Variants in ELF5 observed in about 807,000 individuals in gnomAD.
ELF5 encodes E74 like ETS transcription factor 5.
In ELF5, 31 loss-of-function variants were observed where a neutral mutation model predicts 38.2. The observed-to-expected ratio is 0.81, with a 90% confidence interval of 0.61 to 1.10. The LOEUF (loss-of-function observed/expected upper bound fraction) is 1.10, where lower values mean the gene tolerates loss of function less well. Among genes scored for constraint, ELF5 ranks in the 50% least tolerant of loss-of-function variants. ELF5 has a pLI of 0.00. For synonymous variants in ELF5, 121 were observed against 112.5 expected (o/e 1.08, Z -0.48); for missense variants, 300 against 306.6 (o/e 0.98, Z 0.16).
At chr11:34,508,226 G>T (rs1023086365) in intron 1 of ELF5, among the ~76,000 whole-genome samples, 9 of 152,120 alleles carry the variant, frequency 5.9e-5, no homozygotes, top group African/African-American at 2.2e-4. Flanking sequence ...TTACTGCTGG[G>T]CGCAGTGGTT....
chr11:34,486,551 T>G (rs993372100), intron 4 of ELF5, among the ~76,000 whole-genome samples: 1 of 152,176 alleles, frequency 6.6e-6, no homozygotes, highest in Non-Finnish European at 1.5e-5. Flanking sequence ...CATGGGAACA[T>G]GTGTGCCTAT....
chr11:34,511,451 G>T (rs921009591), intron 1 of ELF5: 43 of 1,539,516 alleles, frequency 2.8e-5, no homozygotes, highest in Admixed American at 1.7e-4. Context: ...CATTCTAGCT[G>T]CCTAGTAAGT....
intron 1 of ELF5, among the ~76,000 whole-genome samples, chr11:34,507,095 T>C (rs959800290): frequency 2.0e-5 from 3 of 152,254 alleles, no homozygotes; most frequent in African/African-American, 7.2e-5. Flanking sequence ...ATTCTTATGA[T>C]GCAGTGCAGA....
At chr11:34,509,290 T>C (rs1032349236) in intron 1 of ELF5, among the ~76,000 whole-genome samples, 1 of 152,114 alleles carries the variant, frequency 6.6e-6, no homozygotes, top group Non-Finnish European at 1.5e-5. Flanking sequence ...ATCGTGCCAC[T>C]GCACTCCAGC....
At chr11:34,491,484 G>GGTAATGTAT (rs1208629596) in intron 3 of ELF5, 5 of 151,902 alleles carry the variant, frequency 3.3e-5, no homozygotes, top group Admixed American at 1.3e-4. Context: ...AATAAGAAGA[G>GGTAATGTAT]GTAATGTATG....
intron 1 of ELF5, among the ~76,000 whole-genome samples, chr11:34,510,441 A>G (rs1280981832): frequency 1.3e-5 from 2 of 152,046 alleles, no homozygotes; most frequent in Non-Finnish European, 2.9e-5. Context: ...CTTTGTATTC[A>G]GTAGCCTCTC....
intron 1 of ELF5, among the ~76,000 whole-genome samples, chr11:34,513,475 A>ACGGCCTG (rs770666738): frequency 7.9e-5 from 12 of 152,370 alleles, no homozygotes; most frequent in Admixed American, 2.0e-4. Context: ...TGGTGGCCAC[A>ACGGCCTG]CGGCCTGCGG....
intron 2 of ELF5, among the ~76,000 whole-genome samples, chr11:34,498,381 C>T (rs1850368067): frequency 1.3e-5 from 2 of 152,054 alleles, no homozygotes; most frequent in Admixed American, 6.5e-5. Context: ...AAGCCAGCTG[C>T]TTTGTCCCTT....
chr11:34,513,214 C>A (rs984339272), intron 1 of ELF5, among the ~76,000 whole-genome samples: 2 of 151,764 alleles, frequency 1.3e-5, no homozygotes, highest in African/African-American at 4.9e-5. Flanking sequence ...ATGCCCCAAA[C>A]TATAATAAGG....
chr11:34,493,519 G>T lies in ELF5; in HGVS notation c.315C>A (p.Gly105=). 3 of 1,614,102 alleles carry T rather than the reference G, an allele frequency of 1.9e-6. No homozygotes were observed. The change falls in exon 3 of 7, where the codon GGC becomes GGA. Residue 105 remains glycine (G), a synonymous_variant. Transcript: ENST00000257832. ...TCTGGAGGATGAAGTACAGGTACTC[G>T]CCGCAGAGGCCAGCTGCCTCGACGA... ...EEFVEAAGLC[G]EYLYFILQNI... is the part of the protein sequence containing the mutation.
At chr11:34,511,441 C>T (rs755529277) in intron 1 of ELF5, 14 of 1,496,644 alleles carry the variant, frequency 9.4e-6, no homozygotes, top group Non-Finnish European at 1.3e-5. Flanking sequence ...ATGTAGTCAT[C>T]ATTCTAGCTG....
intron 4 of ELF5, 67 bp from the exon 5 acceptor site, chr11:34,482,566 C>A: frequency 2.3e-6 from 3 of 1,297,514 alleles, no homozygotes; most frequent in South Asian, 1.4e-5. Flanking sequence ...CAAGTCATAC[C>A]CAAATGAGCA....
chr11:34,495,995 G>A (rs1157520051), intron 2 of ELF5, among the ~76,000 whole-genome samples: 1 of 151,492 alleles, frequency 6.6e-6, no homozygotes, highest in African/African-American at 2.4e-5. Context: ...ATCGGTGTGC[G>A]GCCGTCGGAG....
chr11:34,481,325 G>GT (rs964052404), intron 5 of ELF5, among the ~76,000 whole-genome samples: 4 of 151,992 alleles, frequency 2.6e-5, no homozygotes, highest in African/African-American at 9.7e-5. Flanking sequence ...TGCCCAGCTT[G>GT]TTTTTTTAAT....
At chr11:34,493,159 G>T in intron 3 of ELF5, 1 of 505,832 alleles carries the variant, frequency 2.0e-6, no homozygotes, top group African/African-American at 1.9e-5. Context: ...CCTCTTTTTT[G>T]TCCATCCTGT....
intron 2 of ELF5, among the ~76,000 whole-genome samples, chr11:34,496,176 C>A (rs1850313963): frequency 6.6e-6 from 1 of 152,234 alleles, no homozygotes; most frequent in Non-Finnish European, 1.5e-5. Flanking sequence ...GGCGGGGAGT[C>A]GGCCCCACAC....
rs1278205905 is a variant in ELF5, at chr11:34,493,661, T to C, written c.173A>G (p.His58Arg). 1.2e-6 allele frequency: 2 copies of C among 1,614,198 alleles called. No individual in the cohort carries two copies. The highest frequency in any genetic ancestry group is 1.7e-5 in the Admixed American group (1 of 60,026). The change falls in exon 3 of 7, where the codon CAT becomes CGT. Residue 58 changes from histidine to arginine, a missense_variant. His to Arg is a conservative substitution (Grantham distance 29, BLOSUM62 0). Transcript: ENST00000257832. The part of the protein sequence containing the change: ...SVHPEYWTKR[H>R]VWEWLQFCCD... ...GCAGAACTGGAGCCACTCCCACACA[T>C]GGCGCTTAGTCCAGTATTCAGGGTG... is the stretch of plus-strand genomic sequence containing the variant.
At chr11:34,482,194 G>C (rs913830466) in intron 5 of ELF5, among the ~76,000 whole-genome samples, 6 of 152,172 alleles carry the variant, frequency 3.9e-5, no homozygotes, top group Non-Finnish European at 7.3e-5. Context: ...ATAATTATTA[G>C]CTATGATTTG....
chr11:34,484,508 CTATA>C (rs1564974477), intron 4 of ELF5, among the ~76,000 whole-genome samples: 2 of 151,482 alleles, frequency 1.3e-5, no homozygotes, highest in East Asian at 3.9e-4. Flanking sequence ...CTATACTATA[CTATA>C]CTATACTATA....
Sources: allele counts gnomAD v4.1 joint callset (sites outside exome capture counted in the v4.1 genomes callset), GRCh38; gene constraint gnomAD v4.1.1; transcripts MANE v1.5; gene names NCBI Gene and HGNC (gene_info 2026-07-23, HGNC 2026-07-21).